MAGI1: variants seen among roughly 807,000 people sequenced by gnomAD.
MAGI1 encodes the protein membrane associated guanylate kinase, WW and PDZ domain containing 1.
In MAGI1, 58 loss-of-function variants were observed where a neutral mutation model predicts 139.9. That is an observed-to-expected ratio of 0.41 (90% CI 0.34 to 0.52). The LOEUF (loss-of-function observed/expected upper bound fraction) is 0.52, where lower values mean the gene tolerates loss of function less well. MAGI1 is among the 20% of genes least tolerant of loss of function. The pLI is 0.12. For missense variants in MAGI1, 1,874 were observed against 1,901.6 expected, an observed-to-expected ratio of 0.99 and a Z score of 0.27; for synonymous variants, 812 against 737.9, an observed-to-expected ratio of 1.10 and a Z score of -1.63.
intron 1 of MAGI1, among the ~76,000 whole-genome samples, chr3:66,023,853 A>G (rs1357985444): frequency 6.6e-6 from 1 of 152,198 alleles, no homozygotes; most frequent in African/African-American, 2.4e-5. Flanking sequence ...ATCAATTTCA[A>G]GATGTGACTT....
At position 65,383,532 on chromosome 3, in the gene MAGI1, A is replaced by G; in HGVS notation, c.2508T>C (p.Pro836=). 1 of 1,609,170 alleles carries G rather than the reference A, an allele frequency of 6.2e-7. No individual in the cohort carries two copies. The highest frequency in any genetic ancestry group is 1.1e-5 in the South Asian group (1 of 90,942). The change falls in exon 15 of 23, where the codon CCT becomes CCC. Residue 836 remains proline (P), a splice_region_variant and synonymous_variant. Coordinates refer to ENST00000402939, the MANE Select transcript of MAGI1 (RefSeq NM_001033057.2). ...GAAGAGAGACAAGCAAAAGACTCAC[A>G]GGTTCCCCTGGTTCATTTCCACCCA... ...RILGGNEPGE[P]IYIGHIVPLG...
intron 1 of MAGI1, chr3:65,687,951 C>A: frequency 1.4e-6 from 1 of 722,164 alleles, no homozygotes; most frequent in Non-Finnish European, 2.6e-6. Context: ...AAATGGCTCT[C>A]AGTTCACAGT....
intron 1 of MAGI1, among the ~76,000 whole-genome samples, chr3:65,982,441 A>C (rs2065634881): frequency 1.3e-5 from 2 of 152,152 alleles, no homozygotes; most frequent in South Asian, 4.1e-4. Context: ...CATGCCATCC[A>C]CCCTGAGCAG....
chr3:65,948,947 G>A (rs180898488), intron 1 of MAGI1, among the ~76,000 whole-genome samples: 1 of 152,162 alleles, frequency 6.6e-6, no homozygotes, highest in Admixed American at 6.5e-5. Context: ...TCTTCCAACT[G>A]CCCAGTAACC....
intron 1 of MAGI1, among the ~76,000 whole-genome samples, chr3:65,675,869 C>A (rs144594186): frequency 2.1e-3 from 314 of 152,316 alleles, no homozygotes; most frequent in Admixed American, 5.0e-3. Context: ...TTGGGCTGAG[C>A]TGCTCTTACT....
intron 5 of MAGI1, 115 bp downstream of exon 5, chr3:65,470,168 C>A: frequency 1.5e-6 from 1 of 648,028 alleles, no homozygotes; most frequent in Non-Finnish European, 2.6e-6. Flanking sequence ...TTAAAAAATA[C>A]CATCAGTGGG....
intron 2 of MAGI1, among the ~76,000 whole-genome samples, chr3:65,495,684 T>C (rs1952379751): frequency 6.6e-6 from 1 of 152,058 alleles, no homozygotes; most frequent in Non-Finnish European, 1.5e-5. Flanking sequence ...TTAGAAAGTA[T>C]CTCAGAGCAA....
chr3:65,831,775 T>C (rs758618854), intron 1 of MAGI1, among the ~76,000 whole-genome samples: 26 of 152,222 alleles, frequency 1.7e-4, no homozygotes, highest in Admixed American at 1.6e-3. Context: ...AAAATGCCTC[T>C]CTGAAATACA....
intron 1 of MAGI1, among the ~76,000 whole-genome samples, chr3:65,733,692 T>G (rs1447438678): frequency 6.6e-6 from 1 of 152,254 alleles, no homozygotes; most frequent in African/African-American, 2.4e-5. Context: ...CTTGGATGTT[T>G]GATCTTAATC....
intron 1 of MAGI1, among the ~76,000 whole-genome samples, chr3:65,642,917 G>A (rs1423063517): frequency 6.6e-6 from 1 of 152,198 alleles, no homozygotes; most frequent in Non-Finnish European, 1.5e-5. Flanking sequence ...TGTTTTGAGT[G>A]GTGCAAGCCA....
At chr3:66,030,843 A>G (rs2068550534) in intron 1 of MAGI1, among the ~76,000 whole-genome samples, 1 of 152,212 alleles carries the variant, frequency 6.6e-6, no homozygotes, top group African/African-American at 2.4e-5. Context: ...CTGAGCCATA[A>G]AAAGAGAAGA....
intron 1 of MAGI1, among the ~76,000 whole-genome samples, chr3:65,681,688 G>A (rs116557335): frequency 6.6e-6 from 1 of 152,228 alleles, no homozygotes; most frequent in Non-Finnish European, 1.5e-5. Context: ...TTTAAACAAA[G>A]CACTCATAGA....
intron 1 of MAGI1, among the ~76,000 whole-genome samples, chr3:65,899,227 T>G (rs181609842): frequency 9.0e-4 from 137 of 152,296 alleles, no homozygotes; most frequent in Admixed American, 8.9e-3. Flanking sequence ...TAAAGGTGTT[T>G]TAAGTAATAT....
chr3:65,979,217 T>G (rs1404374520), intron 1 of MAGI1, among the ~76,000 whole-genome samples: 3 of 151,084 alleles, frequency 2.0e-5, no homozygotes, highest in Non-Finnish European at 4.4e-5. Context: ...AGGCATAACC[T>G]CAGCCTACAA....
intron 1 of MAGI1, among the ~76,000 whole-genome samples, chr3:65,629,702 C>T (rs778919766): frequency 4.6e-5 from 7 of 152,074 alleles, no homozygotes; most frequent in African/African-American, 1.4e-4. Flanking sequence ...TTTAAGTGAG[C>T]TTTATCTGAA....
At chr3:65,931,842 C>G (rs1412112423) in intron 1 of MAGI1, among the ~76,000 whole-genome samples, 1 of 150,544 alleles carries the variant, frequency 6.6e-6, no homozygotes, top group Non-Finnish European at 1.5e-5. Flanking sequence ...ATGAAAATCA[C>G]TACCTATATT....
intron 1 of MAGI1, chr3:65,873,297 G>C (rs543114519): frequency 2.6e-5 from 4 of 152,174 alleles, no homozygotes; most frequent in African/African-American, 9.7e-5. Flanking sequence ...CTGGACCCAC[G>C]GCAAGCTCTC....
rs560400023 is a variant in MAGI1, at chr3:65,913,670, T to C, written c.313+124326A>G. Among the ~76,000 whole-genome samples the C allele has an allele frequency of 2.2e-4, 34 of 152,294 alleles. No individual in the cohort carries two copies. The South Asian group carries it at 5.8e-3, about 26-fold the overall frequency. The stretch of plus-strand genomic sequence containing the variant: ...TGCCTTTCAAATCCCTAACAAAGTA[T>C]TGGAATAAAAAGCATTTTGCAAACT... On this transcript the variant is annotated intron_variant, in intron 1 of 22. Transcript: ENST00000402939.
At chr3:65,925,155 T>A (rs1444727931) in intron 1 of MAGI1, 2 of 152,200 alleles carry the variant, frequency 1.3e-5, no homozygotes, top group African/African-American at 4.8e-5. Flanking sequence ...GAAGACTTTA[T>A]CATTTAAGCC....
Sources: allele counts gnomAD v4.1 joint callset (sites outside exome capture counted in the v4.1 genomes callset), GRCh38; gene constraint gnomAD v4.1.1; transcripts MANE v1.5; gene names NCBI Gene and HGNC (gene_info 2026-07-23, HGNC 2026-07-21).